SMYD2: variants seen among roughly 807,000 people sequenced by gnomAD.
SMYD2 encodes the protein N-lysine methyltransferase SMYD2.
In SMYD2, 53 loss-of-function variants were observed where a neutral mutation model predicts 59.1. The observed-to-expected ratio is 0.90, with a 90% confidence interval of 0.72 to 1.13. The LOEUF (loss-of-function observed/expected upper bound fraction) is 1.13, where lower values mean the gene tolerates loss of function less well. SMYD2 is among the 50% of genes most tolerant of loss of function. SMYD2 has a pLI of 0.00. For synonymous variants in SMYD2, 208 were observed against 198.8 expected (o/e 1.05, Z -0.39); for missense variants, 494 against 544.7 (o/e 0.91, Z 0.93).
intron 7 of SMYD2, 68 bp from the exon 8 acceptor site, chr1:214,330,100 G>A: frequency 9.1e-7 from 1 of 1,099,948 alleles, no homozygotes; most frequent in Non-Finnish European, 1.3e-6. Flanking sequence ...TGACTGCAAA[G>A]GCACGGGAAT....
intron 1 of SMYD2, among the ~76,000 whole-genome samples, chr1:214,293,867 G>A (rs917367907): frequency 2.0e-5 from 3 of 152,062 alleles, no homozygotes; most frequent in African/African-American, 7.2e-5. Flanking sequence ...CTAGTGACGG[G>A]GTTTCTCCAT....
intron 3 of SMYD2, among the ~76,000 whole-genome samples, chr1:214,315,432 G>A (rs1011485924): frequency 1.3e-5 from 2 of 151,916 alleles, no homozygotes; most frequent in Non-Finnish European, 2.9e-5. Context: ...AAAAAAAAAA[G>A]TGAAGAAGAA....
chr1:214,313,192 C>A (rs890504927), intron 2 of SMYD2, among the ~76,000 whole-genome samples: 1 of 152,140 alleles, frequency 6.6e-6, no homozygotes, highest in Non-Finnish European at 1.5e-5. Flanking sequence ...TCTCGGCTCA[C>A]TGCAACCTCT....
intron 5 of SMYD2, among the ~76,000 whole-genome samples, chr1:214,322,253 A>T (rs1361086002): frequency 6.6e-6 from 1 of 152,216 alleles, no homozygotes; most frequent in Non-Finnish European, 1.5e-5. Flanking sequence ...ATCATTTAGA[A>T]CCCAGTATAA....
intron 7 of SMYD2, among the ~76,000 whole-genome samples, chr1:214,328,046 G>T (rs1425800116): frequency 1.3e-5 from 2 of 152,166 alleles, no homozygotes; most frequent in East Asian, 3.9e-4. Context: ...CTACCAAAAT[G>T]ACCACAGTCA....
At chr1:214,327,495 A>G (rs1344144298) in intron 6 of SMYD2, 127 bp from the exon 7 acceptor site, 1 of 722,006 alleles carries the variant, frequency 1.4e-6, no homozygotes, top group Admixed American at 2.2e-5. Context: ...GTGATAGCCA[A>G]CTATTAGATT....
chr1:214,324,763 ATTTT>A, intron 6 of SMYD2, 55 bp downstream of exon 6: 1 of 1,499,344 alleles, frequency 6.7e-7, no homozygotes, highest in Non-Finnish European at 9.1e-7. Flanking sequence ...CACTAATTTG[ATTTT>A]TTTTTCATTT....
At chr1:214,286,947 G>A (rs775408590) in intron 1 of SMYD2, among the ~76,000 whole-genome samples, 1 of 151,168 alleles carries the variant, frequency 6.6e-6, no homozygotes, top group Non-Finnish European at 1.5e-5. Context: ...TCCTGCCTCA[G>A]CCTGGTGAGT....
chr1:214,284,534 C>A (rs1488062900), intron 1 of SMYD2, among the ~76,000 whole-genome samples: 1 of 150,558 alleles, frequency 6.6e-6, no homozygotes. Context: ...CTGCGCCGGG[C>A]CAAGTATGTT....
chr1:214,315,046 G>C (rs1006952287), intron 3 of SMYD2, among the ~76,000 whole-genome samples, 174 bp downstream of exon 3: 3 of 152,192 alleles, frequency 2.0e-5, no homozygotes, highest in African/African-American at 7.2e-5. Context: ...AATCTAGTTA[G>C]TTGTGTGCCC....
intron 10 of SMYD2, 109 bp from the exon 11 acceptor site, chr1:214,334,091 G>A: frequency 1.1e-6 from 1 of 902,884 alleles, no homozygotes; most frequent in South Asian, 1.5e-5. Context: ...GGCCGCTGGT[G>A]GGCAGAGGTT....
rs141102040 is a variant in SMYD2, at chr1:214,313,201, C to T, written c.238-1561C>T. Among the ~76,000 whole-genome samples the T allele has an allele frequency of 5.1e-3, 784 of 152,296 alleles. 13 individuals carry two copies. The highest frequency in any genetic ancestry group is 0.018 in the African/African-American group (748 of 41,570). On this transcript the variant is annotated intron_variant, in intron 2 of 11. Coordinates refer to ENST00000366957, the MANE Select transcript of SMYD2 (RefSeq NM_020197.3). ...GTGCACTCTCGGCTCACTGCAACCT[C>T]TGCCTCCTGGGTTCAAGCGATTCTC...
At position 214,324,670 on chromosome 1, in the gene SMYD2, T is replaced by A. The variant is rs747509834; in HGVS notation, c.564T>A (p.Asp188Glu). 5 of 1,613,490 alleles carry A rather than the reference T, an allele frequency of 3.1e-6. No homozygotes were observed. The Admixed American group carries it at 6.7e-5, about 22-fold the overall frequency. ...QVNCNGFTIE[D>E]EELSHLGSAI... ...ACTGTAATGGCTTCACAATTGAAGA[T>A]GAAGAACTTTCTCATTTGGGATCAG... The change falls in exon 6 of 12, where the codon GAT becomes GAA. Residue 188 changes from aspartate (D) to glutamate (E), a missense_variant. Asp to Glu is a conservative substitution (Grantham distance 45, BLOSUM62 2). Transcript: ENST00000366957.
In SMYD2 at chr1:214,294,033, C is replaced by G. The variant is rs78315837; in HGVS notation, c.174-11154C>G. Among the ~76,000 whole-genome samples, 276 of 152,024 alleles carry G rather than the reference C, an allele frequency of 1.8e-3. 3 individuals are homozygous for G. Among genetic ancestry groups the G allele is most frequent in the East Asian group, 0.016 (85 of 5,172 alleles). On this transcript the variant is annotated intron_variant, in intron 1 of 11. Coordinates refer to ENST00000366957, the MANE Select transcript of SMYD2 (RefSeq NM_020197.3). The stretch of plus-strand genomic sequence containing the variant: ...TTCCCAGTATGGCTGTAGCACAGTA[C>G]TTTTGTACCTAGCAAATAACACTTT...
chr1:214,321,795 T>C (rs576388859), intron 5 of SMYD2, among the ~76,000 whole-genome samples: 1 of 152,360 alleles, frequency 6.6e-6, no homozygotes, highest in African/African-American at 2.4e-5. Context: ...GAAAAAAGAC[T>C]GTGGACCATG....
At chr1:214,314,271 A>T (rs1281088055) in intron 2 of SMYD2, among the ~76,000 whole-genome samples, 1 of 152,174 alleles carries the variant, frequency 6.6e-6, no homozygotes, top group African/African-American at 2.4e-5. Context: ...GTTGCCCTTC[A>T]TGAAACCCTC....
At chr1:214,300,493 C>T (rs1312096530) in intron 1 of SMYD2, among the ~76,000 whole-genome samples, 2 of 152,016 alleles carry the variant, frequency 1.3e-5, no homozygotes, top group Admixed American at 6.5e-5. Context: ...AAAAATGATC[C>T]TGGATCCCCT....
intron 6 of SMYD2, 102 bp downstream of exon 6, chr1:214,324,810 A>G: frequency 2.0e-6 from 2 of 1,022,022 alleles, no homozygotes; most frequent in South Asian, 1.5e-5. Flanking sequence ...TGTGGCAGAC[A>G]TGAAACTCAA....
At chr1:214,304,558 CAAAAAAAAAA>C (rs56254326) in intron 1 of SMYD2, among the ~76,000 whole-genome samples, 1 of 48,040 alleles carries the variant, frequency 2.1e-5, no homozygotes, top group Admixed American at 2.9e-4. Context: ...GACCCTATCT[CAAAAAAAAAA>C]AAAAAAAAAA....
Sources: gnomAD v4.1 joint callset for allele counts (sites outside exome capture counted in the v4.1 genomes callset) on GRCh38, gnomAD v4.1.1 for gene constraint, MANE v1.5 for transcripts, NCBI Gene and HGNC (gene_info 2026-07-23, HGNC 2026-07-21) for gene names.